The following DMD variants were observed in gnomAD, a reference collection of about 807,000 sequenced individuals.
DMD encodes the protein mutant dystrophin.
Under a neutral mutation model 330.1 loss-of-function variants are expected in DMD, and 63 were observed. That is an observed-to-expected ratio of 0.19 (90% CI 0.16 to 0.24). The LOEUF (loss-of-function observed/expected upper bound fraction) is 0.24. Among genes scored for constraint, DMD ranks in the 10% least tolerant of loss-of-function variants. The pLI is 1.00. For synonymous variants in DMD, 1,223 were observed against 959.8 expected (o/e 1.27, Z -5.07); for missense variants, 3,344 against 2,684.1 (o/e 1.25, Z -5.43).
chrX:31,535,608 C>T (rs1030904654), intron 55 of DMD, among the ~76,000 whole-genome samples: 14 of 109,540 alleles, frequency 1.3e-4, no homozygotes, highest in African/African-American at 4.3e-4. Flanking sequence ...ACACCAAAAG[C>T]AATGGCAACA....
chrX:31,276,052 ATTTGTTT>A (rs1158368233), intron 62 of DMD, among the ~76,000 whole-genome samples: 5 of 111,794 alleles, frequency 4.5e-5, no homozygotes, highest in Admixed American at 9.5e-5. Context: ...TAGAACACAG[ATTTGTTT>A]TTTGTTTTTT....
intron 2 of DMD, among the ~76,000 whole-genome samples, chrX:32,903,144 C>CAAAA (rs34973696): frequency 0.23 from 7,545 of 32,815 alleles, 1,337 homozygotes; most frequent in Admixed American, 0.42. Context: ...GACTCAGTCT[C>CAAAA]AAAAAAAAAA....
intron 13 of DMD, among the ~76,000 whole-genome samples, 198 bp from the exon 14 acceptor site, chrX:32,574,044 T>C (rs1390919883): frequency 2.7e-5 from 3 of 112,186 alleles, no homozygotes; most frequent in Non-Finnish European, 3.8e-5. Context: ...GTCTTGTACC[T>C]TTCATAGAAA....
intron 42 of DMD, among the ~76,000 whole-genome samples, chrX:32,306,257 C>T (rs991584315): frequency 4.8e-4 from 53 of 110,766 alleles, no homozygotes; most frequent in African/African-American, 1.6e-3. Context: ...TTGGAATATA[C>T]GAATCCACAT....
intron 44 of DMD, among the ~76,000 whole-genome samples, chrX:32,186,210 T>G (rs2096946287): frequency 1.8e-5 from 2 of 110,803 alleles, no homozygotes; most frequent in South Asian, 7.4e-4. Flanking sequence ...CTCACACTCG[T>G]AAGAAAAAAA....
intron 24 of DMD, 84 bp from the exon 25 acceptor site, chrX:32,463,678 T>C (rs2098391353): frequency 1.2e-6 from 1 of 844,903 alleles, no homozygotes; most frequent in African/African-American, 2.1e-5. Flanking sequence ...AATGTAAAAT[T>C]GGGACTGATG....
intron 43 of DMD, among the ~76,000 whole-genome samples, chrX:32,252,885 T>C (rs12862758): frequency 1.3e-5 from 1 of 79,661 alleles, no homozygotes; most frequent in Non-Finnish European, 2.2e-5. Context: ...TAAAAATATA[T>C]ATAAATATAT....
At chrX:31,498,339 A>G (rs1250324340) in intron 56 of DMD, among the ~76,000 whole-genome samples, 2 of 112,194 alleles carry the variant, frequency 1.8e-5, no homozygotes, top group East Asian at 5.6e-4. Flanking sequence ...TGAAACTTGT[A>G]TATGCTTTAA....
intron 7 of DMD, among the ~76,000 whole-genome samples, chrX:32,746,787 A>T (rs937623648): frequency 3.6e-5 from 4 of 111,541 alleles, no homozygotes; most frequent in African/African-American, 9.8e-5. Flanking sequence ...AGTGCTTTAG[A>T]ACACTAGTAC....
At chrX:33,152,338 T>A (rs1475680204) in intron 1 of DMD, among the ~76,000 whole-genome samples, 2 of 108,402 alleles carry the variant, frequency 1.8e-5, no homozygotes, top group Admixed American at 2.0e-4. Context: ...ACTGGCTAAT[T>A]TTTTTTTGTA....
chrX:31,882,593 T>C (rs1431811383), intron 47 of DMD, among the ~76,000 whole-genome samples: 1 of 111,566 alleles, frequency 9.0e-6, no homozygotes, highest in East Asian at 2.8e-4. Flanking sequence ...TAAAGCAAAG[T>C]TTAGGTTGGA....
chrX:32,186,411 T>C (rs1459822085), intron 44 of DMD, among the ~76,000 whole-genome samples: 1 of 111,738 alleles, frequency 8.9e-6, no homozygotes, highest in African/African-American at 3.2e-5. Context: ...TGATTGATTC[T>C]GCATTTTTAG....
chrX:31,825,205 A>G (rs1172270471), intron 49 of DMD, among the ~76,000 whole-genome samples: 2 of 112,230 alleles, frequency 1.8e-5, no homozygotes, highest in Admixed American at 9.5e-5. Flanking sequence ...ATGAGAAGTA[A>G]TCATTCTGAT....
chrX:31,317,477 A>C (rs2056101666), intron 62 of DMD, among the ~76,000 whole-genome samples: 1 of 110,206 alleles, frequency 9.1e-6, no homozygotes, highest in South Asian at 3.9e-4. Flanking sequence ...CATTCTTAGA[A>C]GAGTGAGGTG....
At chrX:33,197,783 T>C (rs73457977) in intron 1 of DMD, among the ~76,000 whole-genome samples, 20,007 of 110,665 alleles carry the variant, frequency 0.18, 1,940 homozygotes, top group African/African-American at 0.37. Flanking sequence ...TTCCTTTAAA[T>C]TGTTGTGTAG....
chrX:33,019,904 T>C (rs185686324), intron 2 of DMD, among the ~76,000 whole-genome samples: 1 of 111,509 alleles, frequency 9.0e-6, no homozygotes, highest in Admixed American at 9.6e-5. Flanking sequence ...GAAACTCACA[T>C]TGTCAAGAAG....
At chrX:31,223,142 G>C (rs764650119) in intron 63 of DMD, 21 bp from the exon 64 acceptor site, 33 of 1,182,947 alleles carry the variant, frequency 2.8e-5, no homozygotes, top group Non-Finnish European at 3.8e-5. Flanking sequence ...GGAAAACAAA[G>C]AGCATTTGTT....
At chrX:32,419,457 G>A in intron 29 of DMD, among the ~76,000 whole-genome samples, 1 of 112,269 alleles carries the variant, frequency 8.9e-6, no homozygotes. Context: ...AGGGGCTTTG[G>A]TACAGTGGTT....
At chrX:32,439,724 A>C (rs2148207827) in intron 28 of DMD, among the ~76,000 whole-genome samples, 1 of 111,334 alleles carries the variant, frequency 9.0e-6, no homozygotes, top group African/African-American at 3.3e-5. Context: ...AGCATCAGCA[A>C]CACTACCAAA....
Sources: gnomAD v4.1 joint callset for allele counts (sites outside exome capture counted in the v4.1 genomes callset) on GRCh38, gnomAD v4.1.1 for gene constraint, MANE v1.5 for transcripts, NCBI Gene and HGNC (gene_info 2026-07-23, HGNC 2026-07-21) for gene names.